The following CITED2 variants were observed in gnomAD, a reference collection of about 807,000 sequenced individuals.
The protein encoded by CITED2 is Cbp/p300 interacting transactivator with ED-rich tail 2, also known as cbp/p300-interacting transactivator 2.
CITED2 carries 2 observed loss-of-function variants against 11.8 expected under a neutral mutation model. That is an observed-to-expected ratio of 0.17 (90% CI 0.07 to 0.54). The LOEUF is 0.54. Ranked by LOEUF, CITED2 falls within the 20% of genes least tolerant of loss-of-function variation. CITED2 has a pLI of 0.94. For synonymous variants in CITED2, 210 were observed against 153.0 expected, an observed-to-expected ratio of 1.37 and a Z score of -2.75; for missense variants, 437 against 390.2, an observed-to-expected ratio of 1.12 and a Z score of -1.01.
chr6:139,373,727 A>C lies in CITED2; in HGVS notation c.218T>G (p.Met73Arg). ...MNATSGIRHA[M>R]GPGTVNGGHP... ...CCCTCCGTTCACAGTCCCCGGCCCC[A>C]TCGCATGCCTGATGCCGCTCGTGGC... The change falls in exon 2 of 2, where the codon ATG becomes AGG. Residue 73 changes from methionine to arginine, a missense_variant. By Grantham distance (91) the Met-to-Arg change is moderately conservative (BLOSUM62 -1). Transcript: ENST00000367651. 6.2e-7 allele frequency: 1 copy of C among 1,610,050 alleles called. No individual in the cohort carries two copies.
rs909992621 is a variant in CITED2 at position 139,372,967 on chromosome 6, A to AT, written c.*164dup. 21 of 749,738 alleles carry AT rather than the reference A, an allele frequency of 2.8e-5. No individual in the cohort carries two copies. Among genetic ancestry groups the AT allele is most frequent in the African/African-American group, 5.3e-5 (3 of 56,608 alleles). The allele number at this position is 749,738 out of a possible 1,614,324, so 46.4% of individuals were successfully genotyped here. ...AAAACAGGAAAAAAAAGTGGCAGCA[A>AT]TTTTTTTTAAAACCAATTTGTACAA... On this transcript the variant is annotated 3_prime_UTR_variant, in exon 2 of 2. Transcript: ENST00000367651.
Position 139,373,837 on chromosome 6 carries a change from G to A in CITED2, c.108C>T (p.Pro36=), listed in dbSNP as rs1004159120. Residue 36 remains proline, a synonymous_variant, in exon 2 of 2, where the codon CCC becomes CCT. Coordinates refer to ENST00000367651, the MANE Select transcript of CITED2 (RefSeq NM_006079.5). ...HRMGMGQFPS[P]HHHQQQQPQH... is the part of the protein sequence containing the mutation. Reference sequence around the variant, plus strand: ...GGGGCTGCTGCTGCTGGTGGTGATGGGGGCTCGGGAACTGCCCCATGCCCA... The same window carrying A: ...GGGGCTGCTGCTGCTGGTGGTGATGAGGGCTCGGGAACTGCCCCATGCCCA... 6.2e-7 allele frequency: 1 copy of A among 1,606,474 alleles called. No homozygotes were observed. The highest frequency in any genetic ancestry group is 8.5e-7 in the Non-Finnish European group (1 of 1,179,954).
Position 139,373,526 on chromosome 6 carries a change from G to C in CITED2, c.419C>G (p.Pro140Arg), listed in dbSNP as rs200447882. ...PHNHYMPDLH[P>R]AAGHQMNGTN... ...CCCGTTCATCTGGTGGCCTGCAGCAGGGTGCAAATCCGGCATGTAGTGGTT... is the reference window on the plus strand; with the variant it reads ...CCCGTTCATCTGGTGGCCTGCAGCACGGTGCAAATCCGGCATGTAGTGGTT... Residue 140 changes from proline (P) to arginine (R), a missense_variant, in exon 2 of 2, where the codon CCT (proline) becomes CGT (arginine). Physicochemically the swap from Pro to Arg is moderately radical, Grantham distance 103. Transcript: ENST00000367651. The C allele has an allele frequency of 4.2e-5, 68 of 1,613,840 alleles. No homozygotes were observed. Among genetic ancestry groups the C allele is most frequent in the Non-Finnish European group, 5.1e-5 (60 of 1,179,900 alleles).
intron 1 of CITED2, 46 bp from the exon 2 acceptor site, chr6:139,373,998 G>A (rs546835204): frequency 1.9e-6 from 3 of 1,552,802 alleles, no homozygotes; most frequent in East Asian, 2.4e-5. Flanking sequence ...CACACGTGTC[G>A]CCCACCACAG....
At chr6:139,374,286 C>T in intron 1 of CITED2, 127 bp downstream of exon 1, 1 of 1,001,416 alleles carries the variant, frequency 1.0e-6, no homozygotes, top group African/African-American at 1.6e-5. Context: ...ATCAGCCCTC[C>T]TCATCCTGTT....
rs201308258 is a variant in CITED2, at chr6:139,372,512, T to TG, written c.*619dup. 1,276 of 21,772 alleles carry TG rather than the reference T, an allele frequency of 0.059. 8 individuals are homozygous for TG. Among genetic ancestry groups the TG allele is most frequent in the Non-Finnish European group, 0.077 (800 of 10,440 alleles). 1.3% of individuals were successfully genotyped at this position (21,772 alleles called of 1,614,324 possible). ...CTATTATCATCTGTACATATGGGGG[T>TG]GGGGGGGGCGGCGGGGGGGACAGCC... On this transcript the variant is annotated 3_prime_UTR_variant, in exon 2 of 2. Transcript: ENST00000367651.
In CITED2 at chr6:139,372,862, C is replaced by T; in HGVS notation, c.*270G>A. ...AGTGAGGGAAAGGAGTAAAAACAAACAACGAAAAAGACCAAGTTAGCTAGA... is the reference window on the plus strand; with the variant it reads ...AGTGAGGGAAAGGAGTAAAAACAAATAACGAAAAAGACCAAGTTAGCTAGA... On this transcript the variant is annotated 3_prime_UTR_variant, in exon 2 of 2. Transcript: ENST00000367651. The T allele has an allele frequency of 2.0e-6, 1 of 499,478 alleles. No individual in the cohort carries two copies. Among genetic ancestry groups the T allele is most frequent in the East Asian group, 3.7e-5 (1 of 27,094 alleles). 30.9% of individuals were successfully genotyped at this position (499,478 alleles called of 1,614,324 possible). A position where few individuals can be genotyped will look rare whatever the true frequency, so the allele number is the denominator to read the frequency against.
At chr6:139,374,280 G>C (rs557250064) in intron 1 of CITED2, 133 bp downstream of exon 1, 1 of 1,054,550 alleles carries the variant, frequency 9.5e-7, no homozygotes, top group South Asian at 1.7e-5. Flanking sequence ...CATTAAATCA[G>C]CCCTCCTCAT....
rs756787827 is a variant in CITED2, at chr6:139,373,368, CGCT to C, written c.574_576del (p.Ser192del). 14 of 1,589,362 alleles carry C rather than the reference CGCT, an allele frequency of 8.8e-6. No individual in the cohort carries two copies. The South Asian group carries it at 1.1e-4, about 13-fold the overall frequency. ...ATGTTGCCGCTGCCGCTGCCGCCGC[CGCT>C]GTTGCTGCTGCCCGCGCCGCCGCCC... On this transcript the variant is annotated inframe_deletion, in exon 2 of 2. Coordinates refer to ENST00000367651, the MANE Select transcript of CITED2 (RefSeq NM_006079.5).
At position 139,372,832 on chromosome 6, in the gene CITED2, G is replaced by A. The variant is rs553360182; in HGVS notation, c.*300C>T. On this transcript the variant is annotated 3_prime_UTR_variant, in exon 2 of 2. Coordinates refer to ENST00000367651, the MANE Select transcript of CITED2 (RefSeq NM_006079.5). ...ATTAATATCTAACAGTTGAGCACTGGAGAAAGTGAGGGAAAGGAGTAAAAA... is the reference window on the plus strand; with the variant it reads ...ATTAATATCTAACAGTTGAGCACTGAAGAAAGTGAGGGAAAGGAGTAAAAA... The A allele has an allele frequency of 1.4e-5, 6 of 437,264 alleles. No individual in the cohort carries two copies. Among genetic ancestry groups the A allele is most frequent in the East Asian group, 4.6e-5 (1 of 21,558 alleles). 27.1% of individuals were successfully genotyped at this position (437,264 alleles called of 1,614,324 possible). A position where few individuals can be genotyped will look rare whatever the true frequency, so the allele number is the denominator to read the frequency against.
Position 139,373,862 on chromosome 6 carries a change from A to T in CITED2, c.83T>A (p.Met28Lys), listed in dbSNP as rs970417222. The T allele has an allele frequency of 6.2e-7, 1 of 1,603,680 alleles. No individual in the cohort carries two copies. Among genetic ancestry groups the T allele is most frequent in the Non-Finnish European group, 8.5e-7 (1 of 1,179,928 alleles). Residue 28 changes from methionine (M) to lysine (K), a missense_variant, in exon 2 of 2, where the codon ATG (methionine) becomes AAG (lysine). By Grantham distance (95) the Met-to-Lys change is moderately conservative. Around this residue, in one of 3 missense-constraint regions of CITED2, gnomAD observed 396 missense variants for 325.2 expected, o/e 1.22. Transcript: ENST00000367651. ...NGLHHHPAHR[M>K]GMGQFPSPHH... Reference sequence around the variant, plus strand: ...GGGGCTCGGGAACTGCCCCATGCCCATGCGGTGGGCAGGGTGATGGTGCAG... The same window carrying T: ...GGGGCTCGGGAACTGCCCCATGCCCTTGCGGTGGGCAGGGTGATGGTGCAG...
In CITED2 at chr6:139,373,118, G is replaced by A. The variant is rs1470422776; in HGVS notation, c.*14C>T. The A allele has an allele frequency of 9.3e-6, 15 of 1,611,300 alleles. No homozygotes were observed. The highest frequency in any genetic ancestry group is 1.3e-5 in the Non-Finnish European group (15 of 1,177,502). On this transcript the variant is annotated 3_prime_UTR_variant, in exon 2 of 2. Coordinates refer to ENST00000367651, the MANE Select transcript of CITED2 (RefSeq NM_006079.5). The stretch of plus-strand genomic sequence containing the variant: ...GTTGGGGGTTTGATTTCTTTCGCCG[G>A]GGTTTCGATCGAGTCAACAGCTCAC...
chr6:139,373,915 G>A lies in CITED2; in HGVS notation c.30C>T (p.His10=), dbSNP rs773763025. 2.5e-5 allele frequency: 40 copies of A among 1,599,480 alleles called. No individual in the cohort carries two copies. Among genetic ancestry groups the A allele is most frequent in the Non-Finnish European group, 3.1e-5 (36 of 1,179,884 alleles). The change falls in exon 2 of 2, where the codon CAC becomes CAT. Residue 10 remains histidine (H), a synonymous_variant. Coordinates refer to ENST00000367651, the MANE Select transcript of CITED2 (RefSeq NM_006079.5). ...CATTGGTGCCGTCGGGGAAGCGCCC[G>A]TGGTTCATGGCCATCATATGGTCTG... MADHMMAMN[H]GRFPDGTNGL... is the part of the protein sequence containing the mutation.
chr6:139,371,879 A>G lies in CITED2; in HGVS notation c.*1253T>C, dbSNP rs1240950953. 6.6e-6 allele frequency: 1 copy of G among 152,210 alleles called. No homozygotes were observed. The highest frequency in any genetic ancestry group is 2.4e-5 in the African/African-American group (1 of 41,458). 9.4% of individuals were successfully genotyped at this position (152,210 alleles called of 1,614,324 possible). ...TATTCCAATCTACCTCTATTTAAGT[A>G]GTTGAATCAGGTATAAACAGAAACA... is the stretch of plus-strand genomic sequence containing the variant. On this transcript the variant is annotated 3_prime_UTR_variant, in exon 2 of 2. Transcript: ENST00000367651.
rs763869620 is a variant in CITED2, at chr6:139,373,523, G to A, written c.422C>T (p.Ala141Val). Residue 141 changes from alanine (A) to valine (V), a missense_variant, in exon 2 of 2, where the codon GCT becomes GTT. Around this residue, in one of 3 missense-constraint regions of CITED2, gnomAD observed 396 missense variants for 325.2 expected, o/e 1.22. Transcript: ENST00000367651. ...TGTCCCGTTCATCTGGTGGCCTGCA[G>A]CAGGGTGCAAATCCGGCATGTAGTG... ...HNHYMPDLHPAAGHQMNGTNQ... is the reference protein window; with the variant it reads ...HNHYMPDLHPVAGHQMNGTNQ... 1.2e-6 allele frequency: 2 copies of A among 1,613,906 alleles called. No individual in the cohort carries two copies. The highest frequency in any genetic ancestry group is 1.7e-6 in the Non-Finnish European group (2 of 1,179,872).
chr6:139,374,073 C>T, intron 1 of CITED2, 121 bp from the exon 2 acceptor site: 1 of 1,524,602 alleles, frequency 6.6e-7, no homozygotes, highest in Admixed American at 2.0e-5. Flanking sequence ...TGCGAACCAC[C>T]ACCCCCAAGA....
In CITED2 at chr6:139,372,882, G is replaced by C. The variant is rs889626279; in HGVS notation, c.*250C>G. 1.1e-5 allele frequency: 6 copies of C among 546,468 alleles called. No individual in the cohort carries two copies. The highest frequency in any genetic ancestry group is 3.3e-6 in the Non-Finnish European group (1 of 304,536). 33.9% of individuals were successfully genotyped at this position (546,468 alleles called of 1,614,324 possible). ...ACAAACAACGAAAAAGACCAAGTTA[G>C]CTAGATATTTCAACTACATAAGGGA... On this transcript the variant is annotated 3_prime_UTR_variant, in exon 2 of 2. Coordinates refer to ENST00000367651, the MANE Select transcript of CITED2 (RefSeq NM_006079.5).
In CITED2 at chr6:139,372,491, T is replaced by C. The variant is rs182757442; in HGVS notation, c.*641A>G. The C allele has an allele frequency of 5.5e-4, 73 of 132,064 alleles. No individual in the cohort carries two copies. In the East Asian group the frequency reaches 0.017, roughly 31 times the overall value. The allele number at this position is 132,064 out of a possible 1,614,324, so 8.2% of individuals were successfully genotyped here. A position where few individuals can be genotyped will look rare whatever the true frequency, so the allele number is the denominator to read the frequency against. On this transcript the variant is annotated 3_prime_UTR_variant, in exon 2 of 2. Coordinates refer to ENST00000367651, the MANE Select transcript of CITED2 (RefSeq NM_006079.5). ...CCACTGACGACATTCCACACCCTAT[T>C]ATCATCTGTACATATGGGGGTGGGG...
In CITED2 at chr6:139,372,936, G is replaced by T; in HGVS notation, c.*196C>A. On this transcript the variant is annotated 3_prime_UTR_variant, in exon 2 of 2. Transcript: ENST00000367651. ...GGGTGAATGTCAAGGCTACAAAAAC[G>T]AAACAAAAACAGGAAAAAAAAGTGG... 6.3e-6 allele frequency: 4 copies of T among 630,520 alleles called. No individual in the cohort carries two copies. In the South Asian group the frequency reaches 7.5e-5, roughly 12 times the overall value. 39.1% of individuals were successfully genotyped at this position (630,520 alleles called of 1,614,324 possible). A position where few individuals can be genotyped will look rare whatever the true frequency, so the allele number is the denominator to read the frequency against.
Sources: allele counts gnomAD v4.1 joint callset, GRCh38; gene constraint gnomAD v4.1.1; regional missense constraint gnomAD v4.1.1; transcripts MANE v1.5; gene names NCBI Gene and HGNC (gene_info 2026-07-23, HGNC 2026-07-21).